The following SORCS3 variants were observed in gnomAD, a reference collection of about 807,000 sequenced individuals.
The protein encoded by SORCS3 is sortilin related VPS10 domain containing receptor 3.
Under a neutral mutation model 146.3 loss-of-function variants are expected in SORCS3, and 57 were observed. The ratio of observed to expected loss-of-function variants is 0.39; its 90% CI spans 0.31 to 0.49. The LOEUF (loss-of-function observed/expected upper bound fraction) is 0.49. Among genes scored for constraint, SORCS3 ranks in the 20% least tolerant of loss-of-function variants. SORCS3 has a pLI of 0.92. For synonymous variants in SORCS3, 653 were observed against 618.5 expected, an observed-to-expected ratio of 1.06 and a Z score of -0.83; for missense variants, 1,341 against 1,575.5, an observed-to-expected ratio of 0.85 and a Z score of 2.52.
chr10:105,239,402 G>C (rs988216626), intron 20 of SORCS3, among the ~76,000 whole-genome samples: 2 of 152,154 alleles, frequency 1.3e-5, no homozygotes, highest in African/African-American at 4.8e-5. Context: ...ATATTAACTT[G>C]ACTTACTGTG....
intron 1 of SORCS3, among the ~76,000 whole-genome samples, chr10:104,660,553 C>T (rs1362056730): frequency 6.6e-6 from 1 of 152,196 alleles, no homozygotes; most frequent in African/African-American, 2.4e-5. Flanking sequence ...CTCCCCTCTA[C>T]CCAGCACCCT....
intron 2 of SORCS3, among the ~76,000 whole-genome samples, chr10:104,879,476 C>G (rs1035450604): frequency 2.6e-5 from 4 of 152,168 alleles, no homozygotes; most frequent in Non-Finnish European, 4.4e-5. Flanking sequence ...CCAGGATAAT[C>G]TCCTGATCTC....
chr10:104,722,847 C>T (rs1226440113), intron 1 of SORCS3, among the ~76,000 whole-genome samples: 10 of 151,810 alleles, frequency 6.6e-5, no homozygotes, highest in Non-Finnish European at 1.0e-4. Flanking sequence ...TTTTTTATTG[C>T]GTCTATTTGA....
intron 5 of SORCS3, among the ~76,000 whole-genome samples, chr10:105,045,021 GA>G (rs35904016): frequency 0.47 from 55,044 of 117,554 alleles, 13,515 homozygotes; most frequent in East Asian, 0.67. Flanking sequence ...TCCAGAATTC[GA>G]AAAAAAAAAA....
chr10:104,983,347 C>G (rs2054942629), intron 4 of SORCS3, among the ~76,000 whole-genome samples: 1 of 152,146 alleles, frequency 6.6e-6, no homozygotes, highest in South Asian at 2.1e-4. Flanking sequence ...ACTTTCTGGT[C>G]TCTTCTTCAC....
chr10:105,136,904 T>C (rs1291386305), intron 7 of SORCS3, among the ~76,000 whole-genome samples: 1 of 152,178 alleles, frequency 6.6e-6, no homozygotes, highest in African/African-American at 2.4e-5. Context: ...CTATCTTCAT[T>C]ATTTACTCAA....
chr10:105,112,705 A>C (rs773679336), intron 7 of SORCS3, among the ~76,000 whole-genome samples: 4 of 152,266 alleles, frequency 2.6e-5, no homozygotes, highest in Middle Eastern at 3.4e-3. Context: ...AGAACTGGAC[A>C]TTGAGGATTG....
intron 20 of SORCS3, among the ~76,000 whole-genome samples, chr10:105,242,677 TATTTATATAC>T (rs1391053034): frequency 1.5e-4 from 14 of 92,212 alleles, no homozygotes; most frequent in South Asian, 4.0e-4. Context: ...TATTTATATA[TATTTATATAC>T]ATTTATATAC....
intron 3 of SORCS3, among the ~76,000 whole-genome samples, chr10:104,935,017 C>A: frequency 6.6e-6 from 1 of 152,106 alleles, no homozygotes; most frequent in Non-Finnish European, 1.5e-5. Context: ...GGAATGTTGG[C>A]TTGTTTGGGT....
At chr10:105,045,037 A>AAAAAAAAAAAAAAAAAAAGAAAGAAAG (rs796179490) in intron 5 of SORCS3, among the ~76,000 whole-genome samples, 4 of 128,750 alleles carry the variant, frequency 3.1e-5, no homozygotes, top group African/African-American at 8.4e-5. Context: ...AAAAAAAAAA[A>AAAAAAAAAAAAAAAAAAAGAAAGAAAG]AAAAGAAAGA....
At chr10:104,968,566 C>G (rs1405668449) in intron 3 of SORCS3, among the ~76,000 whole-genome samples, 1 of 152,186 alleles carries the variant, frequency 6.6e-6, no homozygotes, top group Non-Finnish European at 1.5e-5. Context: ...CACTGCAGTT[C>G]TCATGTCAGG....
At chr10:105,184,153 A>G (rs2056460610) in intron 14 of SORCS3, among the ~76,000 whole-genome samples, 1 of 152,204 alleles carries the variant, frequency 6.6e-6, no homozygotes, top group South Asian at 2.1e-4. Flanking sequence ...ACTCCTGTAA[A>G]GGGCCACACA....
At position 105,159,012 on chromosome 10, in the gene SORCS3, T is replaced by C. The variant is rs1198842888; in HGVS notation, c.1732+18T>C. 38 of 1,553,466 alleles carry C rather than the reference T, an allele frequency of 2.4e-5. No individual in the cohort carries two copies. Among genetic ancestry groups the C allele is most frequent in the Non-Finnish European group, 3.4e-5 (38 of 1,127,354 alleles). ...GGCTACAGGTAAGAAAAACATTCCC[T>C]GTGCTTCTTCCTTACTGAGAGTGTC... On this transcript the variant is annotated intron_variant, in intron 11 of 26. Coordinates refer to ENST00000369701, the MANE Select transcript of SORCS3 (RefSeq NM_014978.3).
In SORCS3 at chr10:105,006,044, C is replaced by T. The variant is rs564451353; in HGVS notation, c.954+28551C>T. Among the ~76,000 whole-genome samples, 19 of 152,276 alleles carry T rather than the reference C, an allele frequency of 1.2e-4. No homozygotes were observed. The East Asian group carries it at 2.7e-3, about 22-fold the overall frequency. ...ACAACTTCCGTCCCTTGGGTTCAAG[C>T]GATTCTCCTGCCTCAGCCTCCCAAA... is the stretch of plus-strand genomic sequence containing the variant. On this transcript the variant is annotated intron_variant, in intron 4 of 26. Coordinates refer to ENST00000369701, the MANE Select transcript of SORCS3 (RefSeq NM_014978.3).
At chr10:104,844,722 A>T (rs2018184426) in intron 2 of SORCS3, among the ~76,000 whole-genome samples, 1 of 152,168 alleles carries the variant, frequency 6.6e-6, no homozygotes, top group Non-Finnish European at 1.5e-5. Flanking sequence ...AAAGCAACAG[A>T]AATGTCTTCT....
intron 5 of SORCS3, among the ~76,000 whole-genome samples, chr10:105,068,869 A>C (rs181705977): frequency 6.6e-6 from 1 of 152,208 alleles, no homozygotes; most frequent in Non-Finnish European, 1.5e-5. Flanking sequence ...TACTGACCAT[A>C]GTAAGATGCC....
chr10:104,890,299 A>G (rs2018736245), intron 2 of SORCS3, among the ~76,000 whole-genome samples: 1 of 151,236 alleles, frequency 6.6e-6, no homozygotes, highest in South Asian at 2.1e-4. Context: ...TCTGATTACA[A>G]CTGATGTTGT....
At chr10:105,180,888 C>T (rs1315724544) in intron 14 of SORCS3, among the ~76,000 whole-genome samples, 1 of 152,176 alleles carries the variant, frequency 6.6e-6, no homozygotes. Context: ...GGTTCCCACG[C>T]TCTATGTTAT....
intron 1 of SORCS3, among the ~76,000 whole-genome samples, chr10:104,707,746 T>A (rs1363578653): frequency 1.3e-5 from 2 of 152,202 alleles, no homozygotes; most frequent in Non-Finnish European, 2.9e-5. Context: ...TGAGAGCTAG[T>A]TAAAATGTAT....
Sources: gnomAD v4.1 joint callset for allele counts (sites outside exome capture counted in the v4.1 genomes callset) on GRCh38, gnomAD v4.1.1 for gene constraint, MANE v1.5 for transcripts, NCBI Gene and HGNC (gene_info 2026-07-23, HGNC 2026-07-21) for gene names.